Variants in ATP8A2 observed in about 807,000 individuals in gnomAD.
ATP8A2 encodes ATPase phospholipid transporting 8A2.
In ATP8A2, 100 loss-of-function variants were observed where a neutral mutation model predicts 165.6. That is an observed-to-expected ratio of 0.60 (90% confidence interval 0.51 to 0.71). ATP8A2 has a LOEUF of 0.71. Among genes scored for constraint, ATP8A2 ranks in the 30% least tolerant of loss-of-function variants. ATP8A2 has a pLI of 0.00. For missense variants in ATP8A2, 1,227 were observed against 1,479.5 expected (o/e 0.83, Z 2.80); for synonymous variants, 543 against 548.8 (o/e 0.99, Z 0.15).
At chr13:25,633,186 T>C (rs2041286625) in intron 24 of ATP8A2, among the ~76,000 whole-genome samples, 1 of 152,318 alleles carries the variant, frequency 6.6e-6, no homozygotes, top group East Asian at 1.9e-4. Flanking sequence ...ATCCGTTCTA[T>C]TAATGAGGCA....
intron 24 of ATP8A2, among the ~76,000 whole-genome samples, chr13:25,649,166 T>A (rs559978961): frequency 8.5e-5 from 13 of 152,208 alleles, no homozygotes; most frequent in Non-Finnish European, 1.3e-4. Context: ...CAGACCCTTA[T>A]TATGTAGTTT....
At chr13:25,409,500 T>C (rs1272609218) in intron 1 of ATP8A2, among the ~76,000 whole-genome samples, 4 of 152,204 alleles carry the variant, frequency 2.6e-5, no homozygotes, top group Non-Finnish European at 5.9e-5. Flanking sequence ...TTCAAAAGAA[T>C]GATAATATCT....
chr13:25,936,149 T>A (rs999045547), intron 33 of ATP8A2, among the ~76,000 whole-genome samples: 1 of 152,192 alleles, frequency 6.6e-6, no homozygotes, highest in South Asian at 2.1e-4. Flanking sequence ...CACATTGATT[T>A]GGGATGAGTT....
intron 25 of ATP8A2, among the ~76,000 whole-genome samples, chr13:25,720,185 T>TTTTTTTTTTTTTTTTTA (rs2043346361): frequency 7.0e-6 from 1 of 143,404 alleles, no homozygotes; most frequent in Non-Finnish European, 1.5e-5. Flanking sequence ...TTTTTTTTTT[T>TTTTTTTTTTTTTTTTTA]GAGAAGGAAT....
chr13:25,467,897 T>C (rs960033919), intron 1 of ATP8A2, among the ~76,000 whole-genome samples: 1 of 152,164 alleles, frequency 6.6e-6, no homozygotes, highest in African/African-American at 2.4e-5. Context: ...TCTTTGATAG[T>C]TGGAAAGCGT....
chr13:26,017,755 G>A (rs1314689682), intron 36 of ATP8A2, among the ~76,000 whole-genome samples: 1 of 152,188 alleles, frequency 6.6e-6, no homozygotes, highest in East Asian at 1.9e-4. Flanking sequence ...TGCACTAGGT[G>A]TGGGCCCAAG....
chr13:25,725,569 A>G (rs1167578291), intron 25 of ATP8A2, among the ~76,000 whole-genome samples: 1 of 152,200 alleles, frequency 6.6e-6, no homozygotes, highest in African/African-American at 2.4e-5. Flanking sequence ...TGGTCACTGC[A>G]TGCTGTGGGT....
chr13:25,644,131 GT>G (rs35737366), intron 24 of ATP8A2, among the ~76,000 whole-genome samples: 5,245 of 151,960 alleles, frequency 0.035, 156 homozygotes, highest in East Asian at 0.13. Flanking sequence ...TTAGTTCTGA[GT>G]TTTTTGGTGG....
At chr13:25,699,713 C>CTTCTTTTCTGGCGTTTGTTGGGGTAT (rs2042911496) in intron 25 of ATP8A2, among the ~76,000 whole-genome samples, 1 of 152,140 alleles carries the variant, frequency 6.6e-6, no homozygotes, top group Non-Finnish European at 1.5e-5. Context: ...GGCTTTGATG[C>CTTCTTTTCTGGCGTTTGTTGGGGTAT]TTCTTTTCTG....
At chr13:25,486,034 A>G (rs1038956325) in intron 2 of ATP8A2, among the ~76,000 whole-genome samples, 1 of 152,180 alleles carries the variant, frequency 6.6e-6, no homozygotes, top group Non-Finnish European at 1.5e-5. Context: ...GTATGTACGA[A>G]CTCTGAGGAA....
chr13:25,473,175 G>A (rs2035895683), intron 2 of ATP8A2, among the ~76,000 whole-genome samples: 1 of 152,164 alleles, frequency 6.6e-6, no homozygotes, highest in South Asian at 2.1e-4. Flanking sequence ...GAATTTTTGG[G>A]AGGGACTGTG....
chr13:25,396,247 G>A (rs908002956), intron 1 of ATP8A2, among the ~76,000 whole-genome samples: 3 of 152,158 alleles, frequency 2.0e-5, no homozygotes, highest in African/African-American at 7.2e-5. Flanking sequence ...GTGTGGAGTG[G>A]GATCCTCTCT....
At chr13:25,469,880 T>A (rs1439464755) in intron 2 of ATP8A2, among the ~76,000 whole-genome samples, 1 of 152,174 alleles carries the variant, frequency 6.6e-6, no homozygotes, top group Non-Finnish European at 1.5e-5. Flanking sequence ...ATCACGGGTG[T>A]TCGTACATTT....
intron 2 of ATP8A2, among the ~76,000 whole-genome samples, chr13:25,506,559 GA>G (rs2037043207): frequency 6.6e-6 from 1 of 152,178 alleles, no homozygotes; most frequent in African/African-American, 2.4e-5. Context: ...AAACATTCAT[GA>G]GATAGAGTTC....
intron 33 of ATP8A2, among the ~76,000 whole-genome samples, chr13:25,932,062 A>AG (rs1954783120): frequency 1.4e-5 from 2 of 146,282 alleles, no homozygotes; most frequent in Admixed American, 1.3e-4. Context: ...AAAAAAAAAA[A>AG]GAAAGAAAGA....
chr13:25,653,151 G>T (rs9507541), intron 24 of ATP8A2, among the ~76,000 whole-genome samples: 36,993 of 152,068 alleles, frequency 0.24, 4,946 homozygotes, highest in South Asian at 0.47. Flanking sequence ...GTAAGGAAGG[G>T]ATCCAGTTTC....
At chr13:25,888,079 G>GC (rs1333834729) in intron 33 of ATP8A2, among the ~76,000 whole-genome samples, 2 of 67,776 alleles carry the variant, frequency 3.0e-5, no homozygotes, top group African/African-American at 1.1e-4. Context: ...CCCCCCCCCC[G>GC]CCCCACCCCC....
chr13:25,406,524 T>C lies in ATP8A2; in HGVS notation c.76+34236T>C, dbSNP rs148148152. 1.4e-3 allele frequency among the ~76,000 whole-genome samples: 211 copies of C among 152,292 alleles called. 3 individuals carry two copies. The highest frequency in any genetic ancestry group is 4.6e-3 in the African/African-American group (192 of 41,588). ...TGCTTCCACATGGCCAATGCTCTCA[T>C]AGGACTATGCATACACTACAGTGAG... is the stretch of plus-strand genomic sequence containing the variant. On this transcript the variant is annotated intron_variant, in intron 1 of 36. Coordinates refer to ENST00000381655, the MANE Select transcript of ATP8A2 (RefSeq NM_016529.6).
chr13:25,373,144 A>C (rs985879628), intron 1 of ATP8A2, among the ~76,000 whole-genome samples: 1 of 152,226 alleles, frequency 6.6e-6, no homozygotes, highest in Non-Finnish European at 1.5e-5. Context: ...GAGGAGCCCC[A>C]AAAATGATTT....
Sources: allele counts gnomAD v4.1 joint callset (sites outside exome capture counted in the v4.1 genomes callset), GRCh38; gene constraint gnomAD v4.1.1; transcripts MANE v1.5; gene names NCBI Gene and HGNC (gene_info 2026-07-23, HGNC 2026-07-21).